TJP1: variants seen among roughly 807,000 people sequenced by gnomAD.
The protein encoded by TJP1 is tight junction protein ZO-1.
Under a neutral mutation model 194.2 loss-of-function variants are expected in TJP1, and 43 were observed. The observed-to-expected ratio is 0.22, with a 90% CI of 0.17 to 0.29. TJP1 has a LOEUF of 0.29. Ranked by LOEUF, TJP1 falls within the 10% of genes least tolerant of loss-of-function variation. TJP1 has a pLI of 1.00. For synonymous variants in TJP1, 801 were observed against 779.0 expected, an observed-to-expected ratio of 1.03 and a Z score of -0.47; for missense variants, 1,971 against 2,185.7, an observed-to-expected ratio of 0.90 and a Z score of 1.96.
At chr15:29,846,199 G>A (rs540950029) in intron 2 of TJP1, among the ~76,000 whole-genome samples, 3 of 152,212 alleles carry the variant, frequency 2.0e-5, no homozygotes, top group African/African-American at 7.2e-5. Flanking sequence ...CTGCAAAACT[G>A]AAGCCCACAT....
At chr15:29,961,026 C>T (rs1156842471) in intron 1 of TJP1, among the ~76,000 whole-genome samples, 2 of 152,070 alleles carry the variant, frequency 1.3e-5, no homozygotes, top group South Asian at 2.1e-4. Flanking sequence ...TGGGGAGGGG[C>T]GTGTGTGTTT....
intron 8 of TJP1, among the ~76,000 whole-genome samples, chr15:29,751,414 A>G (rs1190008279): frequency 6.6e-6 from 1 of 152,208 alleles, no homozygotes; most frequent in African/African-American, 2.4e-5. Flanking sequence ...ATTTAGATGT[A>G]TGTGTTTGTG....
At chr15:29,880,182 G>A (rs2052874652) in intron 2 of TJP1, among the ~76,000 whole-genome samples, 1 of 151,786 alleles carries the variant, frequency 6.6e-6, no homozygotes. Flanking sequence ...GTACATTCGA[G>A]GGTTTTCATT....
rs764925235 is a variant in TJP1 at position 29,726,372 on chromosome 15, G to A, written c.2412+7C>T. ...ACAAGTCAAAAAAGTAATAGGAAATGTCTTACCTTTCCCTCGGAAACCCAT... is the reference window on the plus strand; with the variant it reads ...ACAAGTCAAAAAAGTAATAGGAAATATCTTACCTTTCCCTCGGAAACCCAT... On this transcript the variant is annotated splice_region_variant and intron_variant, in intron 18 of 27. Coordinates refer to ENST00000614355, the MANE Select transcript of TJP1 (RefSeq NM_001330239.4). 6.2e-7 allele frequency: 1 copy of A among 1,611,974 alleles called. No homozygotes were observed. The highest frequency in any genetic ancestry group is 8.5e-7 in the Non-Finnish European group (1 of 1,178,178).
At chr15:29,784,393 G>A (rs552568591) in intron 2 of TJP1, among the ~76,000 whole-genome samples, 39 of 151,976 alleles carry the variant, frequency 2.6e-4, no homozygotes, top group African/African-American at 6.0e-4. Context: ...TCTGCCTCCC[G>A]GGTTCAAGTG....
chr15:29,751,743 CAGAGA>C (rs2045294339), intron 8 of TJP1, among the ~76,000 whole-genome samples: 1 of 152,144 alleles, frequency 6.6e-6, no homozygotes, highest in Non-Finnish European at 1.5e-5. Context: ...AGGATTCTCT[CAGAGA>C]AAACAGAAAA....
chr15:29,858,593 G>T (rs566921179), intron 2 of TJP1, among the ~76,000 whole-genome samples: 3 of 152,030 alleles, frequency 2.0e-5, no homozygotes, highest in South Asian at 4.2e-4. Context: ...AATCAGGCTG[G>T]AGTACAGTGC....
intron 1 of TJP1, among the ~76,000 whole-genome samples, 162 bp downstream of exon 1, chr15:29,821,840 G>A (rs1338387013): frequency 2.6e-5 from 3 of 115,598 alleles, no homozygotes; most frequent in Non-Finnish European, 6.1e-5. Flanking sequence ...GCTCCCCGCG[G>A]CCCGCGGCCC....
chr15:29,965,301 C>T (rs2056296309), intron 1 of TJP1, among the ~76,000 whole-genome samples: 1 of 152,014 alleles, frequency 6.6e-6, no homozygotes, highest in Non-Finnish European at 1.5e-5. Context: ...CCTCCGCCTC[C>T]TAGGTTCAAG....
intron 2 of TJP1, among the ~76,000 whole-genome samples, chr15:29,845,007 GA>G (rs1252485668): frequency 2.0e-5 from 3 of 152,122 alleles, no homozygotes; most frequent in African/African-American, 7.2e-5. Context: ...GCCAACTGCA[GA>G]ACATGTTTGA....
chr15:29,861,781 T>C (rs375005732), intron 2 of TJP1, among the ~76,000 whole-genome samples: 130 of 152,320 alleles, frequency 8.5e-4, no homozygotes, highest in African/African-American at 3.1e-3. Flanking sequence ...GATTAGGGAA[T>C]ACGAAGAATG....
chr15:29,762,882 T>C lies in TJP1; in HGVS notation c.590-444A>G, dbSNP rs185213974. Among the ~76,000 whole-genome samples the C allele has an allele frequency of 5.3e-5, 8 of 152,288 alleles. No individual in the cohort carries two copies. In the East Asian group the frequency reaches 9.6e-4, roughly 18 times the overall value. ...CCAGAGTAGCTGGGACTAACAGACA[T>C]GTGTCACACTATGCCTGGCTAGAGA... On this transcript the variant is annotated intron_variant, in intron 5 of 27. Transcript: ENST00000614355.
intron 8 of TJP1, chr15:29,760,121 T>C (rs772415267): frequency 3.1e-6 from 2 of 653,868 alleles, no homozygotes; most frequent in South Asian, 3.3e-5. Context: ...AAACTGTCTC[T>C]TCAGCCCTGG....
intron 2 of TJP1, among the ~76,000 whole-genome samples, chr15:29,855,681 C>A (rs1353834109): frequency 1.3e-5 from 2 of 152,018 alleles, no homozygotes; most frequent in Non-Finnish European, 2.9e-5. Context: ...CATGGTGAAA[C>A]CCCGTCTCTA....
intron 23 of TJP1, among the ~76,000 whole-genome samples, chr15:29,711,292 A>G (rs1874322413): frequency 6.6e-6 from 1 of 152,212 alleles, no homozygotes; most frequent in South Asian, 2.1e-4. Flanking sequence ...TTTACAAAAG[A>G]TAGTAATGTT....
At chr15:29,933,818 A>G (rs2054798266) in intron 2 of TJP1, among the ~76,000 whole-genome samples, 2 of 152,174 alleles carry the variant, frequency 1.3e-5, no homozygotes, top group African/African-American at 4.8e-5. Context: ...GAGAGGATGG[A>G]CTTTAAAAGA....
intron 4 of TJP1, among the ~76,000 whole-genome samples, chr15:29,771,474 T>C (rs1044078683): frequency 3.9e-5 from 6 of 152,044 alleles, no homozygotes; most frequent in African/African-American, 7.2e-5. Flanking sequence ...CATGTGACTG[T>C]AGAGGAGGAA....
intron 2 of TJP1, among the ~76,000 whole-genome samples, chr15:29,913,213 G>A (rs980656257): frequency 4.0e-5 from 6 of 151,896 alleles, no homozygotes; most frequent in South Asian, 2.1e-4. Flanking sequence ...GGTAGAATAC[G>A]GAGGACTTAA....
intron 2 of TJP1, among the ~76,000 whole-genome samples, chr15:29,931,049 G>C (rs970010703): frequency 6.6e-6 from 1 of 152,088 alleles, no homozygotes; most frequent in Non-Finnish European, 1.5e-5. Context: ...CTGTTGACCA[G>C]AAGCCTTACC....
Sources: gnomAD v4.1 joint callset for allele counts (sites outside exome capture counted in the v4.1 genomes callset) on GRCh38, gnomAD v4.1.1 for gene constraint, MANE v1.5 for transcripts, NCBI Gene and HGNC (gene_info 2026-07-23, HGNC 2026-07-21) for gene names.